Variants in ATP13A3 observed in about 807,000 individuals in gnomAD.
The protein encoded by ATP13A3 is polyamine-transporting ATPase 13A3.
A neutral mutation model predicts 158.1 loss-of-function variants in ATP13A3; 59 were observed. The ratio of observed to expected loss-of-function variants is 0.37; its 90% confidence interval spans 0.30 to 0.46. The LOEUF is 0.46. Ranked by LOEUF, ATP13A3 falls within the 20% of genes least tolerant of loss-of-function variation. ATP13A3 has a pLI of 1.00. For synonymous variants in ATP13A3, 491 were observed against 504.3 expected (o/e 0.97, Z 0.35); for missense variants, 1,166 against 1,525.2 (o/e 0.76, Z 3.92).
At chr3:194,459,595 G>A in intron 5 of ATP13A3, 54 bp from the exon 6 acceptor site, 1 of 1,419,236 alleles carries the variant, frequency 7.0e-7, no homozygotes, top group African/African-American at 1.4e-5. Flanking sequence ...CTTGTGATAT[G>A]TAATCTGTTA....
chr3:194,407,344 GT>G (rs1577017797), intron 33 of ATP13A3, among the ~76,000 whole-genome samples: 1 of 152,294 alleles, frequency 6.6e-6, no homozygotes, highest in East Asian at 1.9e-4. Context: ...ATATTCTAAT[GT>G]TACCCAAAAT....
At chr3:194,474,748 A>G (rs934483220) in intron 2 of ATP13A3, among the ~76,000 whole-genome samples, 1 of 152,228 alleles carries the variant, frequency 6.6e-6, no homozygotes, top group Non-Finnish European at 1.5e-5. Context: ...AAATTTAAAC[A>G]TTCATGAATT....
chr3:194,421,114 G>GTGTGTGTGTATATATA (rs774431656), intron 30 of ATP13A3, among the ~76,000 whole-genome samples: 79 of 8,106 alleles, frequency 9.7e-3, no homozygotes, highest in Middle Eastern at 0.083. Context: ...TGTGTAGGGT[G>GTGTGTGTGTATATATA]TATATATATA....
chr3:194,433,701 A>C, intron 21 of ATP13A3, 71 bp downstream of exon 21: 29 of 1,530,730 alleles, frequency 1.9e-5, no homozygotes, highest in Non-Finnish European at 2.5e-5. Context: ...ATAACTGATT[A>C]TCCCTCAATA....
intron 10 of ATP13A3, 68 bp from the exon 11 acceptor site, chr3:194,450,344 C>T: frequency 6.8e-7 from 1 of 1,467,968 alleles, no homozygotes; most frequent in Non-Finnish European, 9.4e-7. Context: ...ACAGCAAATG[C>T]TATTCAGAAG....
intron 27 of ATP13A3, 62 bp downstream of exon 27, chr3:194,429,616 C>G: frequency 7.6e-7 from 1 of 1,308,414 alleles, no homozygotes; most frequent in South Asian, 1.3e-5. Flanking sequence ...AACACATACG[C>G]TCAACATCTT....
Position 194,458,031 on chromosome 3 carries a change from C to T in ATP13A3, c.480-857G>A, listed in dbSNP as rs543217567. Reference sequence around the variant, plus strand: ...AAGCTCTTGACCTCAGGTGATCCGCCCACCTTGGCCTCCCAAAGTGCTGGG... The same window carrying T: ...AAGCTCTTGACCTCAGGTGATCCGCTCACCTTGGCCTCCCAAAGTGCTGGG... On this transcript the variant is annotated intron_variant, in intron 6 of 33. Transcript: ENST00000645319. Among the ~76,000 whole-genome samples the T allele has an allele frequency of 3.9e-5, 6 of 152,056 alleles. No homozygotes were observed. In the South Asian group the frequency reaches 1.2e-3, roughly 32 times the overall value.
intron 33 of ATP13A3, 89 bp downstream of exon 33, chr3:194,412,110 C>A: frequency 9.3e-7 from 1 of 1,078,364 alleles, no homozygotes; most frequent in African/African-American, 1.6e-5. Context: ...TAACACATAA[C>A]AGAACAAGAA....
intron 2 of ATP13A3, among the ~76,000 whole-genome samples, chr3:194,493,405 G>A (rs1241620741): frequency 6.6e-6 from 1 of 152,120 alleles, no homozygotes; most frequent in African/African-American, 2.4e-5. Flanking sequence ...CCAACACTTT[G>A]GGAGGCCGAG....
chr3:194,435,437 G>A (rs1717556896), intron 20 of ATP13A3, among the ~76,000 whole-genome samples: 1 of 151,480 alleles, frequency 6.6e-6, no homozygotes, highest in Non-Finnish European at 1.5e-5. Context: ...AAGCTATAAG[G>A]GAAATGCTAA....
intron 30 of ATP13A3, among the ~76,000 whole-genome samples, chr3:194,421,114 G>GTATATATATATATA (rs1553796302): frequency 4.9e-4 from 4 of 8,112 alleles, no homozygotes; most frequent in African/African-American, 5.7e-4. Context: ...TGTGTAGGGT[G>GTATATATATATATA]TATATATATA....
chr3:194,426,650 T>C (rs1238570309), intron 29 of ATP13A3, among the ~76,000 whole-genome samples: 1 of 152,186 alleles, frequency 6.6e-6, no homozygotes, highest in East Asian at 1.9e-4. Context: ...GTGACCGTGA[T>C]ATACAGGCAA....
At chr3:194,493,399 C>A (rs992904228) in intron 2 of ATP13A3, among the ~76,000 whole-genome samples, 1 of 152,162 alleles carries the variant, frequency 6.6e-6, no homozygotes, top group Non-Finnish European at 1.5e-5. Context: ...GTAATCCCAA[C>A]ACTTTGGGAG....
chr3:194,431,712 C>A lies in ATP13A3; in HGVS notation c.2421+5G>T. ...TTTAAAACGGACAGTCGATCTTGAC[C>A]TTACCTCTGGGTCAATTGCTGATGG... On this transcript the variant is annotated splice_donor_5th_base_variant and intron_variant, in intron 22 of 33. Coordinates refer to ENST00000645319, the MANE Select transcript of ATP13A3 (RefSeq NM_001367549.1). The A allele has an allele frequency of 6.5e-7, 1 of 1,544,742 alleles. No individual in the cohort carries two copies. The highest frequency in any genetic ancestry group is 8.7e-7 in the Non-Finnish European group (1 of 1,147,262).
At chr3:194,407,933 T>C (rs908467569) in intron 33 of ATP13A3, among the ~76,000 whole-genome samples, 14 of 152,152 alleles carry the variant, frequency 9.2e-5, no homozygotes, top group African/African-American at 3.4e-4. Context: ...GTTTACTACT[T>C]GGATCTTACT....
intron 31 of ATP13A3, among the ~76,000 whole-genome samples, chr3:194,418,278 C>T (rs560060693): frequency 1.6e-4 from 24 of 151,708 alleles, no homozygotes; most frequent in African/African-American, 4.1e-4. Context: ...AACTGAGACA[C>T]GAGGAACAAA....
At chr3:194,413,062 T>C (rs1208806501) in intron 32 of ATP13A3, 1 of 152,268 alleles carries the variant, frequency 6.6e-6, no homozygotes, top group Non-Finnish European at 1.5e-5. Context: ...TTATAGTTAC[T>C]GTAAGAGTCA....
intron 10 of ATP13A3, among the ~76,000 whole-genome samples, 175 bp downstream of exon 10, chr3:194,453,531 C>T (rs575448994): frequency 3.4e-4 from 52 of 152,072 alleles, no homozygotes; most frequent in Non-Finnish European, 6.6e-4. Context: ...TCTGGGAGGT[C>T]AAGGCTGCAG....
chr3:194,483,263 G>A (rs1278618007), intron 2 of ATP13A3, among the ~76,000 whole-genome samples: 2 of 151,592 alleles, frequency 1.3e-5, no homozygotes, highest in Admixed American at 6.6e-5. Flanking sequence ...TAGCCTGAGT[G>A]AGAGAGCGAG....
Sources: gnomAD v4.1 joint callset for allele counts (sites outside exome capture counted in the v4.1 genomes callset) on GRCh38, gnomAD v4.1.1 for gene constraint, MANE v1.5 for transcripts, NCBI Gene and HGNC (gene_info 2026-07-23, HGNC 2026-07-21) for gene names.